The following ELAVL3 variants were observed in gnomAD, a reference collection of about 807,000 sequenced individuals.
ELAVL3 encodes the protein ELAV-like protein 3.
In ELAVL3, 8 loss-of-function variants were observed where a neutral mutation model predicts 34.2. That is an observed-to-expected ratio of 0.23 (90% CI 0.14 to 0.42). The LOEUF (loss-of-function observed/expected upper bound fraction) is 0.42. ELAVL3 is among the 10% of genes least tolerant of loss of function. The pLI, the probability that ELAVL3 is intolerant of heterozygous loss-of-function variation, is 1.00. For missense variants in ELAVL3, 273 were observed against 518.8 expected, an observed-to-expected ratio of 0.53 and a Z score of 4.60; for synonymous variants, 209 against 222.1, an observed-to-expected ratio of 0.94 and a Z score of 0.53.
chr19:11,465,593 C>G (rs907022576), intron 3 of ELAVL3, among the ~76,000 whole-genome samples: 1 of 152,006 alleles, frequency 6.6e-6, no homozygotes, highest in African/African-American at 2.4e-5. Flanking sequence ...GGGCCACCCC[C>G]CCGACCCTGG....
chr19:11,467,283 G>T (rs149955860), intron 1 of ELAVL3, among the ~76,000 whole-genome samples: 12,861 of 151,688 alleles, frequency 0.085, 1,649 homozygotes, highest in African/African-American at 0.27. Flanking sequence ...TTAGCCGGGC[G>T]TGGTGGCGCA....
At chr19:11,472,695 T>C (rs1366385809) in intron 1 of ELAVL3, among the ~76,000 whole-genome samples, 2 of 150,508 alleles carry the variant, frequency 1.3e-5, no homozygotes, top group East Asian at 2.0e-4. Context: ...AGTGAGACAC[T>C]GTATAACAAA....
At chr19:11,479,038 T>C (rs557485811) in intron 1 of ELAVL3, among the ~76,000 whole-genome samples, 1 of 152,338 alleles carries the variant, frequency 6.6e-6, no homozygotes, top group South Asian at 2.1e-4. Flanking sequence ...GCTCGCTCAC[T>C]GGAGAACCTA....
At chr19:11,472,024 T>C (rs1030200072) in intron 1 of ELAVL3, among the ~76,000 whole-genome samples, 1 of 152,144 alleles carries the variant, frequency 6.6e-6, no homozygotes, top group Non-Finnish European at 1.5e-5. Flanking sequence ...AGTGGCACAG[T>C]TGGCACATAG....
At position 11,454,132 on chromosome 19, in the gene ELAVL3, G is replaced by C. The variant is rs901187953; in HGVS notation, c.*394C>G. 2.2e-5 allele frequency: 4 copies of C among 178,758 alleles called. No individual in the cohort carries two copies. Among genetic ancestry groups the C allele is most frequent in the African/African-American group, 9.5e-5 (4 of 42,214 alleles). The allele number at this position is 178,758 out of a possible 1,614,324, so 11.1% of individuals were successfully genotyped here. On this transcript the variant is annotated 3_prime_UTR_variant, in exon 7 of 7. Coordinates refer to ENST00000359227, the MANE Select transcript of ELAVL3 (RefSeq NM_001420.4). The surrounding 1 kb of genome is among the most constrained non-coding windows in gnomAD (Gnocchi z 9.2). ...CTAGGTGCTGGGGAGGCCTGGGCAA[G>C]GGGGTCTGGGAGGGCACCCCCTGGA...
chr19:11,468,557 G>C (rs1418243781), intron 1 of ELAVL3, among the ~76,000 whole-genome samples: 3 of 151,944 alleles, frequency 2.0e-5, no homozygotes. Flanking sequence ...TGAGACTACA[G>C]GTTTCCACCA....
chr19:11,457,301 C>T (rs1349246384), intron 5 of ELAVL3, among the ~76,000 whole-genome samples, 153 bp from the exon 6 acceptor site: 1 of 151,988 alleles, frequency 6.6e-6, no homozygotes, highest in African/African-American at 2.4e-5. Context: ...TAGACACTGC[C>T]TGGCACGGAA....
chr19:11,471,580 T>C (rs922914009), intron 1 of ELAVL3, among the ~76,000 whole-genome samples: 1 of 151,806 alleles, frequency 6.6e-6, no homozygotes, highest in African/African-American at 2.4e-5. Flanking sequence ...GCCATTGCAC[T>C]CCAGCCTGGG....
chr19:11,464,153 A>C (rs7255747), intron 3 of ELAVL3, among the ~76,000 whole-genome samples: 9,227 of 91,308 alleles, frequency 0.1, 424 homozygotes, highest in African/African-American at 0.2. Context: ...CTCTCTCTCT[A>C]TATATATATA....
At chr19:11,465,651 C>T (rs967071330) in intron 3 of ELAVL3, among the ~76,000 whole-genome samples, 1 of 152,166 alleles carries the variant, frequency 6.6e-6, no homozygotes, top group African/African-American at 2.4e-5. Context: ...GCCCAAACAC[C>T]CCCAGGCGAA....
At chr19:11,463,495 C>T (rs976524749) in intron 3 of ELAVL3, among the ~76,000 whole-genome samples, 17 of 152,138 alleles carry the variant, frequency 1.1e-4, no homozygotes, top group African/African-American at 4.1e-4. Flanking sequence ...GAACCACATA[C>T]CCATCACAGC....
intron 1 of ELAVL3, among the ~76,000 whole-genome samples, chr19:11,471,249 G>A (rs1282201621): frequency 1.3e-5 from 2 of 151,714 alleles, no homozygotes; most frequent in Non-Finnish European, 2.9e-5. Flanking sequence ...GGTGGAGGTT[G>A]CAGTGAGCTG....
intron 3 of ELAVL3, among the ~76,000 whole-genome samples, chr19:11,459,065 AG>A (rs1438812988): frequency 2.0e-5 from 3 of 151,706 alleles, no homozygotes; most frequent in African/African-American, 7.3e-5. Context: ...CTACCGCCTA[AG>A]CCCCGCAAGT....
chr19:11,458,072 G>A lies in ELAVL3; in HGVS notation c.702C>T (p.Thr234=). 6.2e-7 allele frequency: 1 copy of A among 1,612,736 alleles called. No individual in the cohort carries two copies. Among genetic ancestry groups the A allele is most frequent in the Non-Finnish European group, 8.5e-7 (1 of 1,180,024 alleles). The part of the protein sequence containing the change: ...RRYAGPLHHQ[T]QRFRLDNLLN... ...GGCAGGGGGCTCACCGGAAACGCTGGGTCTGATGGTGTAGGGGGCCTGCGT... is the reference window on the plus strand; with the variant it reads ...GGCAGGGGGCTCACCGGAAACGCTGAGTCTGATGGTGTAGGGGGCCTGCGT... The change falls in exon 5 of 7, where the codon ACC becomes ACT. Residue 234 remains threonine, a synonymous_variant. Coordinates refer to ENST00000359227, the MANE Select transcript of ELAVL3 (RefSeq NM_001420.4). This position sits in a 1 kb window ranked among gnomAD's most constrained non-coding sequence, Gnocchi z 7.3.
Position 11,464,145 on chromosome 19 carries a change from C to A in ELAVL3, c.333+2027G>T, listed in dbSNP as rs1445706273. Among the ~76,000 whole-genome samples the A allele has an allele frequency of 4.9e-3, 533 of 107,738 alleles. 6 individuals carry two copies. Among genetic ancestry groups the A allele is most frequent in the Middle Eastern group, 0.032 (8 of 252 alleles). The allele number at this position is 107,738 out of a possible 152,430, so 70.7% of individuals were successfully genotyped here. On this transcript the variant is annotated intron_variant, in intron 3 of 6. Transcript: ENST00000359227. ...TCTGTCTCTCTCTCTCTCTCTCTCTCTCTCTCTATATATATATATATATTT... is the reference window on the plus strand; with the variant it reads ...TCTGTCTCTCTCTCTCTCTCTCTCTATCTCTCTATATATATATATATATTT...
chr19:11,464,219 G>A (rs1487450165), intron 3 of ELAVL3, among the ~76,000 whole-genome samples: 1 of 51,886 alleles, frequency 1.9e-5, no homozygotes, highest in Non-Finnish European at 3.7e-5. Context: ...CTGGAGTGCA[G>A]TGGTGAAACA....
chr19:11,459,676 A>G (rs1970844030), intron 3 of ELAVL3, among the ~76,000 whole-genome samples: 1 of 151,882 alleles, frequency 6.6e-6, no homozygotes, highest in Non-Finnish European at 1.5e-5. Flanking sequence ...GCCTCCCAAA[A>G]TACTGGGATT....
chr19:11,473,632 AT>A (rs913529647), intron 1 of ELAVL3, among the ~76,000 whole-genome samples: 5 of 152,210 alleles, frequency 3.3e-5, no homozygotes, highest in African/African-American at 1.2e-4. Context: ...TAAAAAGAGA[AT>A]TTTTCCTCCC....
intron 3 of ELAVL3, among the ~76,000 whole-genome samples, chr19:11,465,278 TACACAC>T (rs139323842): frequency 2.0e-4 from 18 of 91,712 alleles, no homozygotes; most frequent in South Asian, 3.6e-4. Flanking sequence ...ACCACACACA[TACACAC>T]ACACACACCA....
Sources: gnomAD v4.1 joint callset for allele counts (sites outside exome capture counted in the v4.1 genomes callset) on GRCh38, gnomAD v4.1.1 for gene constraint, Gnocchi (gnomAD v3.1) non-coding constraint, MANE v1.5 for transcripts, NCBI Gene and HGNC (gene_info 2026-07-23, HGNC 2026-07-21) for gene names.